The following EEIG2 variants were observed in gnomAD, a reference collection of about 807,000 sequenced individuals.
The protein encoded by EEIG2 is family with sequence similarity 102 member B.
At chr1:108,571,592 A>T in the EEIG2 span, among the ~76,000 whole-genome samples, 2 of 152,160 alleles carry the variant, frequency 1.3e-5, no homozygotes, top group Non-Finnish European at 2.9e-5. Flanking sequence ...GATTACAGGG[A>T]TGAAAGGTAT....
At chr1:108,624,697 CAAG>C in the EEIG2 span, 3 of 1,613,916 alleles carry the variant, frequency 1.9e-6, no homozygotes, top group South Asian at 1.1e-5. Context: ...TGAATCTTTG[CAAG>C]AAGATAGAAA....
At chr1:108,576,529 G>A in the EEIG2 span, among the ~76,000 whole-genome samples, 1 of 134,944 alleles carries the variant, frequency 7.4e-6, no homozygotes, top group East Asian at 2.2e-4. Flanking sequence ...TCCCACCTAT[G>A]AGTGAGAATA....
chr1:108,628,561 T>C, the EEIG2 span: 1 of 1,609,708 alleles, frequency 6.2e-7, no homozygotes, highest in Non-Finnish European at 8.5e-7. Context: ...ATAAAGAAGA[T>C]ACAGCTTCAG....
the EEIG2 span, among the ~76,000 whole-genome samples, chr1:108,590,987 G>T: frequency 1.3e-5 from 2 of 152,064 alleles, no homozygotes; most frequent in African/African-American, 4.8e-5. Context: ...TTTCTTCTGA[G>T]TCCTCTGCTT....
the EEIG2 span, among the ~76,000 whole-genome samples, chr1:108,594,769 C>T: frequency 1.3e-5 from 2 of 152,124 alleles, no homozygotes; most frequent in Non-Finnish European, 1.5e-5. Flanking sequence ...TATTTTTTCC[C>T]GTAAGATTAA....
At chr1:108,629,037 C>T in the EEIG2 span, among the ~76,000 whole-genome samples, 1 of 152,160 alleles carries the variant, frequency 6.6e-6, no homozygotes, top group African/African-American at 2.4e-5. Flanking sequence ...TTAAATAAAA[C>T]ATTTATTGTG....
the EEIG2 span, chr1:108,560,253 T>G: frequency 5.2e-5 from 11 of 210,154 alleles, no homozygotes; most frequent in Non-Finnish European, 8.0e-5. Flanking sequence ...CGGCCCAGGC[T>G]GCCGCGAGAG....
At chr1:108,625,807 TG>T in the EEIG2 span, 73,902 of 145,008 alleles carry the variant, frequency 0.51, 20,226 homozygotes, top group East Asian at 0.64. Flanking sequence ...TGTGTGTGTG[TG>T]TGTGTGTGTG....
the EEIG2 span, chr1:108,560,393 G>C: frequency 3.9e-6 from 6 of 1,535,582 alleles, no homozygotes. Flanking sequence ...GCGGCGCCCG[G>C]CCGTGCGCCC....
the EEIG2 span, among the ~76,000 whole-genome samples, chr1:108,588,082 A>G: frequency 6.6e-6 from 1 of 152,120 alleles, no homozygotes; most frequent in Non-Finnish European, 1.5e-5. Flanking sequence ...ATGTATATAC[A>G]TCCCACATTT....
chr1:108,561,074 C>T, the EEIG2 span, among the ~76,000 whole-genome samples: 1 of 152,198 alleles, frequency 6.6e-6, no homozygotes, highest in African/African-American at 2.4e-5. Context: ...AGACAACGGT[C>T]TGTGCCTCAT....
the EEIG2 span, among the ~76,000 whole-genome samples, chr1:108,563,968 T>C: frequency 0.02 from 3,043 of 152,230 alleles, 103 homozygotes; most frequent in East Asian, 0.083. Flanking sequence ...TGAGTTTGCA[T>C]TGACAAAGTG....
the EEIG2 span, chr1:108,626,250 A>C: frequency 6.6e-6 from 1 of 152,210 alleles, no homozygotes; most frequent in Non-Finnish European, 1.5e-5. Context: ...CATGTGATCA[A>C]ATGCTTTGGG....
At chr1:108,628,894 T>C in the EEIG2 span, 1 of 1,117,058 alleles carries the variant, frequency 9.0e-7, no homozygotes, top group Non-Finnish European at 1.3e-6. Flanking sequence ...AACATCATAA[T>C]ACTGACTGTT....
the EEIG2 span, among the ~76,000 whole-genome samples, chr1:108,577,947 CGTTT>C: frequency 5.9e-5 from 9 of 151,430 alleles, no homozygotes; most frequent in Non-Finnish European, 1.3e-4. Flanking sequence ...AATGTTCTTC[CGTTT>C]GTTTGTATCC....
chr1:108,579,886 T>C, the EEIG2 span, among the ~76,000 whole-genome samples: 1 of 152,066 alleles, frequency 6.6e-6, no homozygotes, highest in Non-Finnish European at 1.5e-5. Flanking sequence ...CAAGCAGTTA[T>C]CCTGAGTAGC....
the EEIG2 span, among the ~76,000 whole-genome samples, chr1:108,608,807 T>C: frequency 6.6e-6 from 1 of 152,220 alleles, no homozygotes; most frequent in Non-Finnish European, 1.5e-5. Flanking sequence ...ACAACGTTTA[T>C]TTCCTGCAGT....
the EEIG2 span, among the ~76,000 whole-genome samples, chr1:108,593,147 ACT>A: frequency 6.6e-6 from 1 of 151,966 alleles, no homozygotes; most frequent in African/African-American, 2.4e-5. Context: ...ACAGAGTGAG[ACT>A]CTGTCTCCAA....
the EEIG2 span, among the ~76,000 whole-genome samples, chr1:108,566,433 C>A: frequency 6.6e-6 from 1 of 152,022 alleles, no homozygotes; most frequent in Non-Finnish European, 1.5e-5. Flanking sequence ...CACTAATAAG[C>A]AGCAAATTAT....
Sources: allele counts gnomAD v4.1 joint callset (sites outside exome capture counted in the v4.1 genomes callset), GRCh38; gene constraint gnomAD v4.1.1; transcripts MANE v1.5; gene names NCBI Gene and HGNC (gene_info 2026-07-23, HGNC 2026-07-21).